The following NLRC5 variants were observed in gnomAD, a reference collection of about 807,000 sequenced individuals.
NLRC5 encodes the protein NLR family CARD domain containing 5.
Under a neutral mutation model 206.9 loss-of-function variants are expected in NLRC5, and 114 were observed. That is an observed-to-expected ratio of 0.55 (90% confidence interval 0.47 to 0.64). NLRC5 has a LOEUF of 0.64. Among genes scored for constraint, NLRC5 ranks in the 30% least tolerant of loss-of-function variants. NLRC5 has a pLI of 0.00. For missense variants in NLRC5, 2,008 were observed against 2,305.5 expected, an observed-to-expected ratio of 0.87 and a Z score of 2.64; for synonymous variants, 952 against 962.8, an observed-to-expected ratio of 0.99 and a Z score of 0.21.
In NLRC5 at chr16:57,079,248, G is replaced by T. The variant is rs1171692465; in HGVS notation, c.5193G>T (p.Gly1731=). The change falls in exon 45 of 49, where the codon GGG becomes GGT. Residue 1731 remains glycine (G), a synonymous_variant. Coordinates refer to ENST00000688547, the MANE Select transcript of NLRC5 (RefSeq NM_001384950.1). ...ISLAENNLAG[G]VLRFCMELPL... is the part of the protein sequence containing the mutation. ...TGGCGGAAAACAACCTGGCTGGAGG[G>T]GTCCTGCGTTTCTGTATGGAGCTCC... is the stretch of plus-strand genomic sequence containing the variant. 1.2e-6 allele frequency: 2 copies of T among 1,613,636 alleles called. No individual in the cohort carries two copies. The highest frequency in any genetic ancestry group is 3.3e-5 in the Admixed American group (2 of 60,006).
At chr16:57,077,082 G>A (rs2068493322) in intron 40 of NLRC5, among the ~76,000 whole-genome samples, 180 bp downstream of exon 40, 1 of 152,254 alleles carries the variant, frequency 6.6e-6, no homozygotes, top group Non-Finnish European at 1.5e-5. Flanking sequence ...ATGTAAGAGT[G>A]TCAATTGTAG....
chr16:57,068,420 G>A (rs1268455750), intron 36 of NLRC5, among the ~76,000 whole-genome samples: 1 of 145,918 alleles, frequency 6.9e-6, no homozygotes, highest in Admixed American at 6.9e-5. Flanking sequence ...GACAGAGCGA[G>A]GCTCGGTTTC....
intron 20 of NLRC5, among the ~76,000 whole-genome samples, chr16:57,044,419 GC>G (rs1439802648): frequency 6.6e-6 from 1 of 152,164 alleles, no homozygotes; most frequent in East Asian, 1.9e-4. Flanking sequence ...GCACCAGCCA[GC>G]CAAGCCACCC....
rs747899870 is a variant in NLRC5 at position 57,070,562 on chromosome 16, G to A, written c.4611G>A (p.Glu1537=). 1 of 1,614,108 alleles carries A rather than the reference G, an allele frequency of 6.2e-7. No individual in the cohort carries two copies. Among genetic ancestry groups the A allele is most frequent in the South Asian group, 1.1e-5 (1 of 91,088 alleles). The part of the protein sequence containing the change: ...LDLSNNQFDE[E]GTKALMRALE... ...TGTCTAACAATCAATTTGATGAGGAGGGCACCAAGGCGCTGATGAGGGCCC... is the reference window on the plus strand; with the variant it reads ...TGTCTAACAATCAATTTGATGAGGAAGGCACCAAGGCGCTGATGAGGGCCC... Residue 1537 remains glutamate, a synonymous_variant, in exon 38 of 49, where the codon GAG becomes GAA. Transcript: ENST00000688547.
intron 27 of NLRC5, among the ~76,000 whole-genome samples, chr16:57,056,870 G>A (rs957451174): frequency 4.8e-4 from 73 of 151,988 alleles, no homozygotes; most frequent in Admixed American, 2.8e-3. Context: ...TGTTGGCCAG[G>A]CTGGTCTTGA....
At chr16:57,055,399 C>A in intron 26 of NLRC5, 34 bp from the exon 27 acceptor site, 2 of 1,603,434 alleles carry the variant, frequency 1.2e-6, no homozygotes, top group South Asian at 1.1e-5. Flanking sequence ...GCCAAACGCC[C>A]CATCCCCTGC....
At chr16:57,060,566 C>T (rs952501330) in intron 30 of NLRC5, among the ~76,000 whole-genome samples, 1 of 151,442 alleles carries the variant, frequency 6.6e-6, no homozygotes, top group East Asian at 1.9e-4. Flanking sequence ...CAAAAACAAA[C>T]CCCCCACATA....
intron 15 of NLRC5, among the ~76,000 whole-genome samples, chr16:57,039,343 A>G (rs2062991890): frequency 1.3e-5 from 2 of 152,222 alleles, no homozygotes; most frequent in Admixed American, 6.5e-5. Context: ...CCAAAAGCTC[A>G]GAGGAAGTCA....
intron 32 of NLRC5, among the ~76,000 whole-genome samples, chr16:57,064,380 A>C (rs1370326699): frequency 6.6e-6 from 1 of 152,202 alleles, no homozygotes; most frequent in Non-Finnish European, 1.5e-5. Flanking sequence ...GAAAGTTTAG[A>C]AAATATAGAA....
chr16:57,068,247 C>T (rs979864752), intron 36 of NLRC5, among the ~76,000 whole-genome samples: 18 of 151,832 alleles, frequency 1.2e-4, no homozygotes, highest in African/African-American at 3.1e-4. Context: ...CTGGACAACA[C>T]GGTGAAACCC....
intron 37 of NLRC5, 44 bp from the exon 38 acceptor site, chr16:57,070,491 T>C (rs2067515036): frequency 1.9e-6 from 3 of 1,559,626 alleles, no homozygotes; most frequent in African/African-American, 1.4e-5. Flanking sequence ...GCTCCAGGGC[T>C]GGGCAGGCTG....
intron 1 of NLRC5, among the ~76,000 whole-genome samples, chr16:56,994,380 A>AC (rs1377926248): frequency 2.0e-5 from 3 of 152,188 alleles, no homozygotes; most frequent in Admixed American, 1.3e-4. Flanking sequence ...CTGGCTCACC[A>AC]CCTGCCATCA....
chr16:57,026,669 T>A lies in NLRC5; in HGVS notation c.1726T>A (p.Phe576Ile). The A allele has an allele frequency of 1.2e-6, 2 of 1,614,106 alleles. No homozygotes were observed. Among genetic ancestry groups the A allele is most frequent in the Non-Finnish European group, 8.5e-7 (1 of 1,179,978 alleles). The change falls in exon 6 of 49, where the codon TTC becomes ATC. Residue 576 changes from phenylalanine (F) to isoleucine (I), a missense_variant. Transcript: ENST00000688547. ...CCTGGCATCCTGCACCTGCCGCCCC[T>A]TCCTTAGCCACCTGGCGCAGGGCAA... The part of the protein sequence containing the change: ...AGLASCTCRP[F>I]LSHLAQGNED...
At chr16:57,038,129 G>A (rs1294881908) in intron 15 of NLRC5, among the ~76,000 whole-genome samples, 1 of 152,088 alleles carries the variant, frequency 6.6e-6, no homozygotes, top group Non-Finnish European at 1.5e-5. Context: ...AAAATAGCTG[G>A]AATGTTTAAC....
rs74610144 is a variant in NLRC5, at chr16:57,010,905, A to T, written c.-127-6169A>T. ...GTAAATGTTCTTGTGGCTTTTTTTA[A>T]AAAAAAATCAAAATGTGCACATTAA... On this transcript the variant is annotated intron_variant, in intron 1 of 48. Coordinates refer to ENST00000688547, the MANE Select transcript of NLRC5 (RefSeq NM_001384950.1). 3.1e-3 allele frequency among the ~76,000 whole-genome samples: 466 copies of T among 148,080 alleles called. 2 individuals carry two copies. The highest frequency in any genetic ancestry group is 0.011 in the African/African-American group (421 of 38,630).
At chr16:57,080,490 T>TTTC (rs2068992974) in intron 46 of NLRC5, among the ~76,000 whole-genome samples, 1 of 146,190 alleles carries the variant, frequency 6.8e-6, no homozygotes, top group Non-Finnish European at 1.5e-5. Context: ...GATTTTTTTT[T>TTTC]TTTTTTTTTT....
intron 23 of NLRC5, among the ~76,000 whole-genome samples, chr16:57,050,353 C>T (rs554195504): frequency 6.6e-6 from 1 of 152,334 alleles, no homozygotes; most frequent in East Asian, 1.9e-4. Flanking sequence ...CCTACCCTGC[C>T]CCCCAGCTCA....
In NLRC5 at chr16:57,033,744, G is replaced by A. The variant is rs1597272856; in HGVS notation, c.2543+75G>A. 4 of 1,403,398 alleles carry A rather than the reference G, an allele frequency of 2.9e-6. No homozygotes were observed. In the East Asian group the frequency reaches 6.9e-5, roughly 24 times the overall value. 86.9% of individuals were successfully genotyped at this position (1,403,398 alleles called of 1,614,324 possible). ...AAGTCCGAGGCAAGGGAGAGCAGGGGCAGGGAGGATAAAGGGAAAAGCAGA... is the reference window on the plus strand; with the variant it reads ...AAGTCCGAGGCAAGGGAGAGCAGGGACAGGGAGGATAAAGGGAAAAGCAGA... On this transcript the variant is annotated intron_variant, in intron 12 of 48. Coordinates refer to ENST00000688547, the MANE Select transcript of NLRC5 (RefSeq NM_001384950.1).
chr16:57,029,162 G>A (rs180929110), intron 8 of NLRC5, among the ~76,000 whole-genome samples: 7 of 152,328 alleles, frequency 4.6e-5, no homozygotes, highest in Admixed American at 3.9e-4. Context: ...AGGTTCAGAA[G>A]TACTGAACTT....
Sources: gnomAD v4.1 joint callset for allele counts (sites outside exome capture counted in the v4.1 genomes callset) on GRCh38, gnomAD v4.1.1 for gene constraint, MANE v1.5 for transcripts, NCBI Gene and HGNC (gene_info 2026-07-23, HGNC 2026-07-21) for gene names.